Variants in PRDM1 observed in about 807,000 individuals in gnomAD.
PRDM1 encodes PR domain zinc finger protein 1.
In PRDM1, 13 loss-of-function variants were observed where a neutral mutation model predicts 62.8. That is an observed-to-expected ratio of 0.21 (90% CI 0.13 to 0.33). The LOEUF (loss-of-function observed/expected upper bound fraction) is 0.33, where lower values mean the gene tolerates loss of function less well. Among genes scored for constraint, PRDM1 ranks in the 10% least tolerant of loss-of-function variants. PRDM1 has a pLI of 1.00. For missense variants in PRDM1, 895 were observed against 1,058.8 expected, an observed-to-expected ratio of 0.85 and a Z score of 2.15; for synonymous variants, 396 against 417.6, an observed-to-expected ratio of 0.95 and a Z score of 0.63.
chr6:106,055,620 C>T (rs1414207099), intron 1 of PRDM1, among the ~76,000 whole-genome samples: 1 of 152,146 alleles, frequency 6.6e-6, no homozygotes, highest in South Asian at 2.1e-4. Flanking sequence ...CCTAACTTGC[C>T]AATATCTATT....
At chr6:106,045,692 T>G (rs1773062800), upstream of PRDM1, 1 of 152,204 alleles carries the variant, frequency 6.6e-6, no homozygotes, top group Non-Finnish European at 1.5e-5. Context: ...TGCTTTTCTG[T>G]GACTATCACT....
At chr6:106,079,947 T>C (rs1773666628) in intron 1 of PRDM1, among the ~76,000 whole-genome samples, 1 of 152,178 alleles carries the variant, frequency 6.6e-6, no homozygotes, top group African/African-American at 2.4e-5. Flanking sequence ...CTATAAAGAT[T>C]TTTCAGCATT....
intron 3 of PRDM1, chr6:106,098,959 C>T: frequency 3.2e-6 from 5 of 1,541,740 alleles, no homozygotes; most frequent in Admixed American, 2.0e-5. Flanking sequence ...CGCCCATTTG[C>T]CATTCACTGC....
At chr6:106,052,888 A>C (rs1010088443) in intron 1 of PRDM1, among the ~76,000 whole-genome samples, 18 of 152,010 alleles carry the variant, frequency 1.2e-4, no homozygotes, top group Non-Finnish European at 2.5e-4. Flanking sequence ...GAATCATTGA[A>C]CTGGGAAGAC....
In PRDM1 at chr6:106,107,111, C is replaced by T. The variant is rs1339872920; in HGVS notation, c.2103C>T (p.Ser701=). ...ACAAGAACTACATCCATCTCTGTAG[C>T]CTCAAGGTTCACCTGAAAGGGAACT... ...QCHKNYIHLC[S]LKVHLKGNCA... is the part of the protein sequence containing the mutation. The change falls in exon 7 of 7, where the codon AGC becomes AGT. Residue 701 remains serine, a synonymous_variant. Transcript: ENST00000369096. 6.2e-7 allele frequency: 1 copy of T among 1,614,212 alleles called. No individual in the cohort carries two copies. Among genetic ancestry groups the T allele is most frequent in the Non-Finnish European group, 8.5e-7 (1 of 1,180,046 alleles).
Position 106,050,811 on chromosome 6 carries a change from A to G in PRDM1, c.-67+2097A>G, listed in dbSNP as rs115760611. ...CTGAGTTAAAATAAAGCAAACCAAT[A>G]TACCCACATCTAAGGAATTCAGAGA... On this transcript the variant is annotated intron_variant, in intron 1 of 6. Coordinates refer to the PRDM1 transcript ENST00000651185. 8.0e-3 allele frequency among the ~76,000 whole-genome samples: 1,221 copies of G among 152,322 alleles called. 20 individuals carry two copies. Among genetic ancestry groups the G allele is most frequent in the African/African-American group, 0.028 (1,178 of 41,560 alleles).
rs1288942377 is a variant in PRDM1 at position 106,105,153 on chromosome 6, C to T, written c.993C>T (p.Ser331=). 2.5e-6 allele frequency: 4 copies of T among 1,613,108 alleles called. No homozygotes were observed. The highest frequency in any genetic ancestry group is 3.4e-6 in the Non-Finnish European group (4 of 1,179,588). Residue 331 remains serine (S), a synonymous_variant, in exon 5 of 7, where the codon TCC becomes TCT. Transcript: ENST00000369096. ...PTYITRSPIP[S]STTPSPSARS... is the part of the protein sequence containing the mutation. Reference sequence around the variant, plus strand: ...ACATCACTCGCTCCCCCATTCCATCCTCCACCACTCCAAGCCCCTCTGCAA... The same window carrying T: ...ACATCACTCGCTCCCCCATTCCATCTTCCACCACTCCAAGCCCCTCTGCAA...
At chr6:106,000,154 T>C (rs1449913527) in intron 1 of PRDM1, among the ~76,000 whole-genome samples, 1 of 152,254 alleles carries the variant, frequency 6.6e-6, no homozygotes, top group African/African-American at 2.4e-5. Context: ...TGGCATTATC[T>C]ATGTATTTCA....
At chr6:106,075,056 C>T (rs894331535) in intron 1 of PRDM1, among the ~76,000 whole-genome samples, 2 of 152,030 alleles carry the variant, frequency 1.3e-5, no homozygotes, top group African/African-American at 2.4e-5. Context: ...ACTATTGGTC[C>T]CAATTGCATT....
intron 1 of PRDM1, among the ~76,000 whole-genome samples, chr6:106,009,593 G>A (rs1421363935): frequency 6.6e-6 from 1 of 152,162 alleles, no homozygotes; most frequent in African/African-American, 2.4e-5. Context: ...CTGTATCAAG[G>A]TGGAAACCAT....
Position 106,086,513 on chromosome 6 carries a change from G to T in PRDM1, c.-41G>T. The stretch of plus-strand genomic sequence containing the variant: ...GGCTCAGCCTGGCGGGGGACGCGGG[G>T]AGAATGTGGACTGGGTAGAGATGAA... On this transcript the variant is annotated 5_prime_UTR_variant, in exon 1 of 7. Coordinates refer to ENST00000369096, the MANE Select transcript of PRDM1 (RefSeq NM_001198.4). 1.9e-6 allele frequency: 3 copies of T among 1,540,438 alleles called. No homozygotes were observed. Among genetic ancestry groups the T allele is most frequent in the Non-Finnish European group, 2.6e-6 (3 of 1,138,518 alleles).
At chr6:106,098,719 A>T (rs1400009899) in intron 3 of PRDM1, 5 of 1,398,194 alleles carry the variant, frequency 3.6e-6, no homozygotes, top group Non-Finnish European at 4.8e-6. Flanking sequence ...TTTCCACAAA[A>T]AGGCAAGGTT....
chr6:106,063,293 G>C (rs2114594496), intron 1 of PRDM1, among the ~76,000 whole-genome samples: 1 of 152,272 alleles, frequency 6.6e-6, no homozygotes, highest in South Asian at 2.1e-4. Flanking sequence ...GCACCAACTA[G>C]TATGGTCTAA....
At chr6:106,089,589 C>A (rs1227056442) in intron 2 of PRDM1, among the ~76,000 whole-genome samples, 1 of 152,134 alleles carries the variant, frequency 6.6e-6, no homozygotes, top group Non-Finnish European at 1.5e-5. Context: ...CTCAGTCTTT[C>A]TTTTTTCCCC....
At chr6:106,019,082 A>G (rs1329710306) in intron 1 of PRDM1, among the ~76,000 whole-genome samples, 3 of 152,018 alleles carry the variant, frequency 2.0e-5, no homozygotes, top group African/African-American at 7.2e-5. Flanking sequence ...CCTTGCAAAC[A>G]TGGTGAAACC....
intron 1 of PRDM1, among the ~76,000 whole-genome samples, chr6:106,009,703 G>C (rs949853986): frequency 4.6e-5 from 7 of 152,104 alleles, no homozygotes; most frequent in Non-Finnish European, 1.0e-4. Context: ...TGAGTGTGAT[G>C]TGATTATCTT....
intron 4 of PRDM1, 183 bp downstream of exon 4, chr6:106,099,735 G>C: frequency 1.4e-6 from 1 of 740,578 alleles, no homozygotes; most frequent in Non-Finnish European, 2.1e-6. Context: ...TAGGAAACTT[G>C]ATCATTTAAA....
rs145600937 is a variant in PRDM1 at position 106,010,476 on chromosome 6, C to T, written c.-67+16837C>T. 4.0e-3 allele frequency among the ~76,000 whole-genome samples: 612 copies of T among 152,150 alleles called. 4 individuals are homozygous for T. The highest frequency in any genetic ancestry group is 0.014 in the African/African-American group (575 of 41,488). On this transcript the variant is annotated intron_variant, in intron 1 of 6. Transcript: ENST00000652320. ...TGACAGTTATAGCCTTGTATCAGCCCGTGCATCTAATTAAATTCTACATCT... is the reference window on the plus strand; with the variant it reads ...TGACAGTTATAGCCTTGTATCAGCCTGTGCATCTAATTAAATTCTACATCT...
intron 1 of PRDM1, among the ~76,000 whole-genome samples, chr6:106,076,458 G>C (rs559596799): frequency 1.8e-4 from 27 of 152,250 alleles, no homozygotes; most frequent in Non-Finnish European, 2.4e-4. Context: ...TGGGGAATTG[G>C]ATGGTGTTGA....
Sources: gnomAD v4.1 joint callset for allele counts (sites outside exome capture counted in the v4.1 genomes callset) on GRCh38, gnomAD v4.1.1 for gene constraint, MANE v1.5 for transcripts, NCBI Gene and HGNC (gene_info 2026-07-23, HGNC 2026-07-21) for gene names.